CSMD1: variants seen among roughly 807,000 people sequenced by gnomAD.
CSMD1 encodes the protein CUB and Sushi multiple domains 1.
A neutral mutation model predicts 417.5 loss-of-function variants in CSMD1; 213 were observed. That is an observed-to-expected ratio of 0.51 (90% CI 0.46 to 0.57). CSMD1 has a LOEUF of 0.57. Among genes scored for constraint, CSMD1 ranks in the 20% least tolerant of loss-of-function variants. CSMD1 has a pLI of 0.00. For missense variants in CSMD1, 6,923 were observed against 4,529.7 expected (o/e 1.53, Z -15.17); for synonymous variants, 2,862 against 1,736.8 (o/e 1.65, Z -16.11).
At chr8:4,628,445 TACAC>T (rs780454776) in intron 2 of CSMD1, among the ~76,000 whole-genome samples, 2 of 147,530 alleles carry the variant, frequency 1.4e-5, no homozygotes, top group Admixed American at 6.9e-5. Flanking sequence ...TACACATATA[TACAC>T]ATATACATAT....
At chr8:4,542,882 G>C (rs568634731) in intron 2 of CSMD1, among the ~76,000 whole-genome samples, 93 of 152,068 alleles carry the variant, frequency 6.1e-4, no homozygotes, top group African/African-American at 2.0e-3. Flanking sequence ...CACTCTAATA[G>C]AAATATATTA....
intron 1 of CSMD1, among the ~76,000 whole-genome samples, chr8:4,792,490 C>G (rs184277914): frequency 6.6e-6 from 1 of 152,148 alleles, no homozygotes; most frequent in Non-Finnish European, 1.5e-5. Context: ...TTTCTATTCC[C>G]GTTCCCTGGG....
chr8:3,319,761 A>G (rs549520212), intron 23 of CSMD1, among the ~76,000 whole-genome samples: 1 of 152,208 alleles, frequency 6.6e-6, no homozygotes, highest in African/African-American at 2.4e-5. Flanking sequence ...GGAACACGTC[A>G]GCCGGGCTAT....
At chr8:3,311,029 G>C (rs1469172701) in intron 23 of CSMD1, among the ~76,000 whole-genome samples, 1 of 152,086 alleles carries the variant, frequency 6.6e-6, no homozygotes, top group African/African-American at 2.4e-5. Context: ...TAACAAATGA[G>C]GTTACGTCCC....
intron 26 of CSMD1, among the ~76,000 whole-genome samples, chr8:3,256,257 G>A (rs1800643684): frequency 6.8e-6 from 1 of 147,646 alleles, no homozygotes; most frequent in Non-Finnish European, 1.5e-5. Flanking sequence ...AACCTGGGAG[G>A]CAGAGGTTTC....
rs188637714 is a variant in CSMD1, at chr8:4,898,252, G to A, written c.85+96080C>T. ...ACGGAGAGCATCGGGGTGCTTAGAT[G>A]ACTTGCCCGTTTTAGGCCAAAAATA... On this transcript the variant is annotated intron_variant, in intron 1 of 69. Transcript: ENST00000635120. Among the ~76,000 whole-genome samples, 59 of 152,212 alleles carry A rather than the reference G, an allele frequency of 3.9e-4. 1 individual carries two copies. The East Asian group carries it at 0.011, about 29-fold the overall frequency.
In CSMD1 at chr8:4,119,165, GT is replaced by G. The variant is rs1167110321; in HGVS notation, c.416-87067del. Among the ~76,000 whole-genome samples the G allele has an allele frequency of 2.0e-5, 3 of 152,076 alleles. No homozygotes were observed. In the East Asian group the frequency reaches 5.8e-4, roughly 30 times the overall value. On this transcript the variant is annotated intron_variant, in intron 3 of 69. Transcript: ENST00000635120. The stretch of plus-strand genomic sequence containing the variant: ...TGTCGGGCTTAAAACCTAGATGATG[GT>G]TTGATAGGTGCAGCAAACCATCGTG...
At chr8:3,241,039 G>A (rs1489556108) in intron 26 of CSMD1, among the ~76,000 whole-genome samples, 1 of 149,108 alleles carries the variant, frequency 6.7e-6, no homozygotes. Context: ...GGAGGGAGTA[G>A]AGGTATCTCA....
At chr8:3,602,131 T>A (rs1402381330) in intron 8 of CSMD1, among the ~76,000 whole-genome samples, 2 of 152,194 alleles carry the variant, frequency 1.3e-5, no homozygotes, top group Non-Finnish European at 2.9e-5. Flanking sequence ...CTTAAAATGG[T>A]CAGGATGCTA....
intron 9 of CSMD1, among the ~76,000 whole-genome samples, chr8:3,582,020 C>G (rs1439124129): frequency 6.6e-6 from 1 of 152,160 alleles, no homozygotes; most frequent in African/African-American, 2.4e-5. Flanking sequence ...GTCTTGAACT[C>G]CTGACCTCAG....
intron 1 of CSMD1, among the ~76,000 whole-genome samples, chr8:4,984,310 G>C (rs142679017): frequency 1.2e-4 from 19 of 152,326 alleles, no homozygotes; most frequent in Non-Finnish European, 2.4e-4. Flanking sequence ...GGCTGCATGA[G>C]AGTAGAAAGG....
At chr8:4,188,459 T>C (rs1165769165) in intron 3 of CSMD1, among the ~76,000 whole-genome samples, 2 of 152,224 alleles carry the variant, frequency 1.3e-5, no homozygotes, top group Admixed American at 6.5e-5. Context: ...TGAGAAACTT[T>C]ATTTTGGAAA....
intron 46 of CSMD1, among the ~76,000 whole-genome samples, chr8:3,104,705 CTTTTCTTTTTT>C (rs1360444007): frequency 2.8e-5 from 3 of 106,784 alleles, no homozygotes; most frequent in Admixed American, 1.2e-4. Context: ...TTTTTTTTTT[CTTTTCTTTTTT>C]TTTTTTTTTG....
chr8:4,275,088 A>G (rs1162272098), intron 3 of CSMD1, among the ~76,000 whole-genome samples: 2 of 152,204 alleles, frequency 1.3e-5, no homozygotes, highest in African/African-American at 4.8e-5. Flanking sequence ...TGATATAAGA[A>G]AAACAAATGA....
At chr8:3,979,106 G>C (rs747329816) in intron 5 of CSMD1, among the ~76,000 whole-genome samples, 55 of 152,336 alleles carry the variant, frequency 3.6e-4, no homozygotes, top group East Asian at 7.7e-4. Flanking sequence ...AGTGCATTTA[G>C]AGAGCTCTAC....
intron 3 of CSMD1, among the ~76,000 whole-genome samples, chr8:4,155,069 G>A (rs181730308): frequency 4.6e-5 from 7 of 152,156 alleles, no homozygotes; most frequent in South Asian, 2.1e-4. Context: ...TTCCAGGCCC[G>A]ATTTGTGCTT....
At chr8:4,973,616 A>G (rs1431534290) in intron 1 of CSMD1, among the ~76,000 whole-genome samples, 2 of 152,188 alleles carry the variant, frequency 1.3e-5, no homozygotes, top group South Asian at 2.1e-4. Context: ...CTAATTTCGT[A>G]TCTCTACAAA....
chr8:4,472,438 G>A (rs1800589458), intron 2 of CSMD1, among the ~76,000 whole-genome samples: 1 of 151,966 alleles, frequency 6.6e-6, no homozygotes, highest in Non-Finnish European at 1.5e-5. Flanking sequence ...GTCATTTATA[G>A]ACATATATTT....
chr8:4,912,808 C>A (rs1251767107), intron 1 of CSMD1, among the ~76,000 whole-genome samples: 4 of 150,618 alleles, frequency 2.7e-5, no homozygotes, highest in Non-Finnish European at 5.9e-5. Flanking sequence ...AGGGGGGGCA[C>A]AGAGTCTTGC....
Sources: gnomAD v4.1 joint callset for allele counts (sites outside exome capture counted in the v4.1 genomes callset) on GRCh38, gnomAD v4.1.1 for gene constraint, MANE v1.5 for transcripts, NCBI Gene and HGNC (gene_info 2026-07-23, HGNC 2026-07-21) for gene names.